Variants in SUPT3H observed in about 807,000 individuals in gnomAD.
The protein encoded by SUPT3H is transcription initiation protein SPT3 homolog.
SUPT3H carries 44 observed loss-of-function variants against 44.3 expected under a neutral mutation model. The ratio of observed to expected loss-of-function variants is 0.99; its 90% CI spans 0.78 to 1.28. The LOEUF (loss-of-function observed/expected upper bound fraction) is 1.28. Ranked by LOEUF, SUPT3H falls within the 50% of genes most tolerant of loss-of-function variation. The pLI is 0.00. For synonymous variants in SUPT3H, 124 were observed against 125.6 expected, an observed-to-expected ratio of 0.99 and a Z score of 0.09; for missense variants, 380 against 387.1, an observed-to-expected ratio of 0.98 and a Z score of 0.15.
At chr6:44,909,880 A>G (rs1454441612) in intron 10 of SUPT3H, among the ~76,000 whole-genome samples, 2 of 152,240 alleles carry the variant, frequency 1.3e-5, no homozygotes, top group Non-Finnish European at 2.9e-5. Flanking sequence ...CTTTAAATGA[A>G]GTTTAAAACA....
At chr6:45,147,119 A>C (rs1390350878) in intron 2 of SUPT3H, among the ~76,000 whole-genome samples, 1 of 152,144 alleles carries the variant, frequency 6.6e-6, no homozygotes, top group East Asian at 1.9e-4. Flanking sequence ...AGGCACTGAG[A>C]GGTTTAGTAA....
chr6:45,074,545 T>TA (rs1794768588), intron 3 of SUPT3H, among the ~76,000 whole-genome samples: 1 of 151,710 alleles, frequency 6.6e-6, no homozygotes, highest in African/African-American at 2.4e-5. Context: ...ATACATAAAA[T>TA]AAAAAAGACT....
Position 45,078,739 on chromosome 6 carries a change from C to T in SUPT3H, c.186+27183G>A, listed in dbSNP as rs891949758. 3.3e-5 allele frequency among the ~76,000 whole-genome samples: 5 copies of T among 152,060 alleles called. 1 individual carries two copies. Among genetic ancestry groups the T allele is most frequent in the Admixed American group, 3.3e-4 (5 of 15,270 alleles). ...TTGTTTGTTTGTTTTCCTTCCTTTC[C>T]TTTCCTTTCAGCACTTTGAATACAA... On this transcript the variant is annotated intron_variant, in intron 3 of 10. Coordinates refer to ENST00000371459, the MANE Select transcript of SUPT3H (RefSeq NM_003599.4).
At chr6:45,234,297 G>A (rs1003636401) in intron 2 of SUPT3H, among the ~76,000 whole-genome samples, 5 of 151,892 alleles carry the variant, frequency 3.3e-5, no homozygotes, top group African/African-American at 9.7e-5. Flanking sequence ...TTGGGAGGCC[G>A]AGGTGGGCAG....
intron 1 of SUPT3H, among the ~76,000 whole-genome samples, chr6:45,375,110 G>A (rs1292135722): frequency 2.6e-5 from 4 of 152,204 alleles, no homozygotes; most frequent in Non-Finnish European, 4.4e-5. Flanking sequence ...GGGAGGCTGA[G>A]GCAGGAGAAT....
At chr6:44,994,699 C>T (rs1213785286) in intron 6 of SUPT3H, among the ~76,000 whole-genome samples, 1 of 152,072 alleles carries the variant, frequency 6.6e-6, no homozygotes, top group Non-Finnish European at 1.5e-5. Context: ...GGACCTAAAA[C>T]TTCTATAGTC....
chr6:44,956,475 AAAAAAAAATAAAAAAAAAAAATAAAAAT>A (rs955457052), intron 7 of SUPT3H, among the ~76,000 whole-genome samples: 4 of 18,914 alleles, frequency 2.1e-4, no homozygotes, highest in East Asian at 2.4e-3. Flanking sequence ...TGTCTCAAAA[AAAAAAAAATAAAAAAAAAAAATAAAAAT>A]AAAAAAAAAA....
chr6:45,244,156 C>T (rs745379582), intron 2 of SUPT3H, among the ~76,000 whole-genome samples: 5 of 152,158 alleles, frequency 3.3e-5, no homozygotes, highest in Non-Finnish European at 5.9e-5. Context: ...GGATTACAGG[C>T]ATGAGCCATG....
chr6:45,199,584 C>A (rs1762152267), intron 2 of SUPT3H, among the ~76,000 whole-genome samples: 1 of 151,240 alleles, frequency 6.6e-6, no homozygotes. Context: ...GGCAACCAAC[C>A]CCACTAAATA....
At chr6:45,222,391 G>C (rs1205051260) in intron 2 of SUPT3H, among the ~76,000 whole-genome samples, 2 of 152,104 alleles carry the variant, frequency 1.3e-5, no homozygotes, top group Non-Finnish European at 2.9e-5. Flanking sequence ...GGCAGGAATG[G>C]ACATTTCATG....
chr6:45,137,155 T>C (rs1476370629), intron 2 of SUPT3H, among the ~76,000 whole-genome samples: 1 of 152,042 alleles, frequency 6.6e-6, no homozygotes, highest in Non-Finnish European at 1.5e-5. Context: ...AAAACTATTT[T>C]TTAAAAATAA....
chr6:45,067,667 C>T (rs938963847), intron 3 of SUPT3H, among the ~76,000 whole-genome samples: 5 of 150,614 alleles, frequency 3.3e-5, no homozygotes, highest in Admixed American at 3.3e-4. Context: ...TGAACAGACA[C>T]TTCTCAAAAG....
intron 3 of SUPT3H, among the ~76,000 whole-genome samples, chr6:45,033,174 T>C (rs1389984885): frequency 6.6e-6 from 1 of 152,112 alleles, no homozygotes; most frequent in Non-Finnish European, 1.5e-5. Flanking sequence ...GTCTGAAATA[T>C]AGTAACAGCC....
intron 10 of SUPT3H, among the ~76,000 whole-genome samples, chr6:44,842,379 A>G (rs1771084824): frequency 6.6e-6 from 1 of 152,154 alleles, no homozygotes; most frequent in Non-Finnish European, 1.5e-5. Flanking sequence ...TATTGGATTT[A>G]GAAATATAAA....
At chr6:45,025,649 C>T (rs2396375) in intron 3 of SUPT3H, among the ~76,000 whole-genome samples, 90,917 of 151,904 alleles carry the variant, frequency 0.6, 28,147 homozygotes, top group African/African-American at 0.77. Flanking sequence ...TTTGGGAGGC[C>T]GAGACAGGCG....
chr6:45,158,213 TAG>T (rs1808193113), intron 2 of SUPT3H, among the ~76,000 whole-genome samples: 2 of 120,998 alleles, frequency 1.7e-5, no homozygotes, highest in African/African-American at 8.9e-5. Context: ...GATAGATAGA[TAG>T]ATAGATAGAT....
At chr6:45,022,415 GT>G (rs3053670) in intron 3 of SUPT3H, among the ~76,000 whole-genome samples, 2,269 of 141,454 alleles carry the variant, frequency 0.016, 46 homozygotes, top group African/African-American at 0.044. Flanking sequence ...TGGAATCACT[GT>G]TTTTTTTTTT....
chr6:44,925,389 G>A (rs763707809), intron 10 of SUPT3H, among the ~76,000 whole-genome samples: 27 of 152,266 alleles, frequency 1.8e-4, no homozygotes, highest in Non-Finnish European at 2.6e-4. Context: ...GCTTAAATGA[G>A]CAATTTTATT....
chr6:45,179,393 C>G (rs903476588), intron 2 of SUPT3H, among the ~76,000 whole-genome samples: 1 of 152,166 alleles, frequency 6.6e-6, no homozygotes, highest in Non-Finnish European at 1.5e-5. Flanking sequence ...CCAGCATCAT[C>G]CTGATACCAA....
Sources: gnomAD v4.1 joint callset for allele counts (sites outside exome capture counted in the v4.1 genomes callset) on GRCh38, gnomAD v4.1.1 for gene constraint, MANE v1.5 for transcripts, NCBI Gene and HGNC (gene_info 2026-07-23, HGNC 2026-07-21) for gene names.